TPRG1: variants seen among roughly 807,000 people sequenced by gnomAD.
TPRG1 encodes the protein tumor protein p63-regulated gene 1 protein.
Under a neutral mutation model 29.3 loss-of-function variants are expected in TPRG1, and 29 were observed. That is an observed-to-expected ratio of 0.99 (90% CI 0.74 to 1.35). TPRG1 has a LOEUF of 1.35. TPRG1 is among the 40% of genes most tolerant of loss of function. The pLI is 0.00. For synonymous variants in TPRG1, 130 were observed against 116.8 expected (o/e 1.11, Z -0.73); for missense variants, 327 against 335.0 (o/e 0.98, Z 0.19).
intron 4 of TPRG1, among the ~76,000 whole-genome samples, chr3:189,306,768 G>A (rs1721693558): frequency 6.6e-6 from 1 of 152,140 alleles, no homozygotes; most frequent in African/African-American, 2.4e-5. Context: ...ATGCTGGTGG[G>A]ACAGTGCCTT....
At chr3:189,153,021 T>C (rs984704848) in intron 5 of TPRG1, among the ~76,000 whole-genome samples, 2 of 152,246 alleles carry the variant, frequency 1.3e-5, no homozygotes, top group African/African-American at 4.8e-5. Context: ...TAGATCACTT[T>C]AGAGGAAAGA....
rs181598665 is a variant in TPRG1 at position 189,158,334 on chromosome 3, C to T, written c.-10+7462C>T. The stretch of plus-strand genomic sequence containing the variant: ...TTTAAAAACTTGCAGTGGGGCTGGG[C>T]GCGGTGGCTCACACCTGTAATACCA... On this transcript the variant is annotated intron_variant, in intron 5 of 6. Coordinates refer to the TPRG1 transcript ENST00000412373. Among the ~76,000 whole-genome samples, 70 of 152,168 alleles carry T rather than the reference C, an allele frequency of 4.6e-4. 1 individual carries two copies. The highest frequency in any genetic ancestry group is 7.7e-4 in the African/African-American group (32 of 41,500).
At chr3:189,050,605 C>G (rs1715256125) in intron 4 of TPRG1, among the ~76,000 whole-genome samples, 1 of 152,114 alleles carries the variant, frequency 6.6e-6, no homozygotes, top group African/African-American at 2.4e-5. Flanking sequence ...ACCCTAATAC[C>G]AAAACCAGGA....
chr3:189,014,187 A>G (rs973081441), intron 3 of TPRG1, among the ~76,000 whole-genome samples: 1 of 152,182 alleles, frequency 6.6e-6, no homozygotes, highest in Non-Finnish European at 1.5e-5. Context: ...AAGGTGTTGT[A>G]AGGCAGGTCT....
At chr3:189,234,519 G>T (rs1739146942) in intron 3 of TPRG1, among the ~76,000 whole-genome samples, 1 of 152,156 alleles carries the variant, frequency 6.6e-6, no homozygotes, top group Non-Finnish European at 1.5e-5. Flanking sequence ...ATTTTGGCAT[G>T]AACATTTCCG....
chr3:189,189,532 T>C (rs11712720), intron 1 of TPRG1, among the ~76,000 whole-genome samples: 5,850 of 152,124 alleles, frequency 0.038, 166 homozygotes, highest in Non-Finnish European at 0.057. Flanking sequence ...AAAAAAAAAA[T>C]CTGGCTGGAA....
chr3:189,265,761 A>G (rs1713955444), intron 4 of TPRG1, among the ~76,000 whole-genome samples: 2 of 152,214 alleles, frequency 1.3e-5, no homozygotes, highest in Admixed American at 1.3e-4. Flanking sequence ...TACAGCCACC[A>G]TCGTGAACTG....
intron 1 of TPRG1, among the ~76,000 whole-genome samples, chr3:189,178,713 T>C (rs1480222886): frequency 2.0e-5 from 3 of 152,192 alleles, no homozygotes; most frequent in Admixed American, 2.0e-4. Flanking sequence ...TTAAACCTGG[T>C]TTCTAAAAGT....
chr3:189,300,532 T>A (rs550595504), intron 4 of TPRG1, among the ~76,000 whole-genome samples: 31 of 152,316 alleles, frequency 2.0e-4, no homozygotes, highest in African/African-American at 7.5e-4. Context: ...TGCTTCCCAC[T>A]CAGGTTTAGT....
chr3:189,269,177 G>A (rs1407898897), intron 4 of TPRG1, among the ~76,000 whole-genome samples: 3 of 150,706 alleles, frequency 2.0e-5, no homozygotes, highest in Non-Finnish European at 3.0e-5. Context: ...CAAAACATAA[G>A]CAGAAAAGAC....
intron 4 of TPRG1, among the ~76,000 whole-genome samples, chr3:189,257,207 C>T (rs1399685226): frequency 6.6e-6 from 1 of 152,152 alleles, no homozygotes; most frequent in East Asian, 1.9e-4. Context: ...CTAGTGGTGA[C>T]AAAATCTCTC....
intron 4 of TPRG1, among the ~76,000 whole-genome samples, chr3:189,281,140 T>C (rs1344843574): frequency 6.6e-6 from 1 of 152,196 alleles, no homozygotes; most frequent in East Asian, 1.9e-4. Flanking sequence ...AGGTAGATAC[T>C]ATTATTCATT....
intron 4 of TPRG1, among the ~76,000 whole-genome samples, chr3:189,040,934 A>G (rs1714593237): frequency 6.6e-6 from 1 of 152,080 alleles, no homozygotes; most frequent in African/African-American, 2.4e-5. Flanking sequence ...CTTACTTCCC[A>G]AGAGGCTCCT....
chr3:189,049,369 G>A (rs191398573), intron 4 of TPRG1, among the ~76,000 whole-genome samples: 1 of 152,178 alleles, frequency 6.6e-6, no homozygotes, highest in African/African-American at 2.4e-5. Flanking sequence ...GCCTCTGACT[G>A]CTTGCTTTCC....
intron 4 of TPRG1, among the ~76,000 whole-genome samples, chr3:189,301,778 C>T (rs1283461916): frequency 6.6e-6 from 1 of 152,302 alleles, no homozygotes; most frequent in East Asian, 1.9e-4. Flanking sequence ...CCTCTTCGTT[C>T]TCTAGTTTTG....
chr3:189,074,267 G>A (rs918611074), intron 4 of TPRG1, among the ~76,000 whole-genome samples: 4 of 145,204 alleles, frequency 2.8e-5, no homozygotes, highest in Non-Finnish European at 4.5e-5. Flanking sequence ...GTGCAGTGGC[G>A]CGATCTGCGC....
intron 4 of TPRG1, among the ~76,000 whole-genome samples, chr3:189,249,605 A>G (rs1335004345): frequency 6.6e-6 from 1 of 151,942 alleles, no homozygotes; most frequent in African/African-American, 2.4e-5. Context: ...TTTGTATCAT[A>G]TTTTTAAAAT....
At chr3:189,006,749 G>C (rs1263908206) in intron 3 of TPRG1, among the ~76,000 whole-genome samples, 1 of 152,018 alleles carries the variant, frequency 6.6e-6, no homozygotes, top group African/African-American at 2.4e-5. Context: ...ATGCCTTAGG[G>C]GTTCTAAGTC....
At chr3:189,289,767 T>C (rs1207700839) in intron 4 of TPRG1, among the ~76,000 whole-genome samples, 2 of 152,240 alleles carry the variant, frequency 1.3e-5, no homozygotes, top group East Asian at 1.9e-4. Context: ...GATTACCTTA[T>C]TAAAATACCA....
Sources: allele counts gnomAD v4.1 joint callset (sites outside exome capture counted in the v4.1 genomes callset), GRCh38; gene constraint gnomAD v4.1.1; transcripts MANE v1.5; gene names NCBI Gene and HGNC (gene_info 2026-07-23, HGNC 2026-07-21).